EFS: variants seen among roughly 807,000 people sequenced by gnomAD.
EFS encodes embryonal Fyn-associated substrate.
Under a neutral mutation model 42.2 loss-of-function variants are expected in EFS, and 34 were observed. The observed-to-expected ratio is 0.81, with a 90% confidence interval of 0.61 to 1.07. The LOEUF (loss-of-function observed/expected upper bound fraction) is 1.07. Among genes scored for constraint, EFS ranks in the 50% least tolerant of loss-of-function variants. The pLI is 0.00. For missense variants in EFS, 717 were observed against 729.4 expected (o/e 0.98, Z 0.20); for synonymous variants, 299 against 320.7 (o/e 0.93, Z 0.72).
In EFS at chr14:23,359,521, G is replaced by A; in HGVS notation, c.957C>T (p.Ser319=). 1.3e-6 allele frequency: 2 copies of A among 1,548,618 alleles called. No homozygotes were observed. Among genetic ancestry groups the A allele is most frequent in the Middle Eastern group, 2.1e-4 (1 of 4,732 alleles). ...GGCCTGGGGCAGGAGAGGGCACTGG[G>A]GAGGGGCTGGGGGCCTCAGGGACAG... ...ALPVPEAPSP[S]PVPSPAPGRK... Residue 319 remains serine (S), a synonymous_variant, in exon 4 of 6, where the codon TCC becomes TCT. Transcript: ENST00000216733.
In EFS at chr14:23,365,049, G is replaced by A; in HGVS notation, c.-24C>T. On this transcript the variant is annotated 5_prime_UTR_variant, in exon 1 of 6. Coordinates refer to ENST00000216733, the MANE Select transcript of EFS (RefSeq NM_005864.4). This position sits in a 1 kb window ranked among gnomAD's most constrained non-coding sequence, Gnocchi z 5.3. ...ATGGCTTTGGCCTCCCGCGCAGCCT[G>A]CCTCAGGCCAGGCTCGGTTTTGCTG... 7.6e-7 allele frequency: 1 copy of A among 1,313,660 alleles called. No homozygotes were observed. Among genetic ancestry groups the A allele is most frequent in the Non-Finnish European group, 9.8e-7 (1 of 1,021,528 alleles). The allele number at this position is 1,313,660 out of a possible 1,614,324, so 81.4% of individuals were successfully genotyped here.
At chr14:23,362,316 G>C (rs902042661) in intron 1 of EFS, among the ~76,000 whole-genome samples, 1 of 152,132 alleles carries the variant, frequency 6.6e-6, no homozygotes, top group Admixed American at 6.5e-5. Flanking sequence ...GTAGCCAAAC[G>C]GACTGACTAA....
At chr14:23,362,129 C>T (rs552623264) in intron 1 of EFS, among the ~76,000 whole-genome samples, 6 of 152,368 alleles carry the variant, frequency 3.9e-5, no homozygotes, top group East Asian at 1.9e-4. Flanking sequence ...TATAACCCTT[C>T]GCAGTGCTCT....
At position 23,365,035 on chromosome 14, in the gene EFS, C is replaced by A; in HGVS notation, c.-10G>T. ...ACGTGGCAATGGCCATGGCTTTGGC[C>A]TCCCGCGCAGCCTGCCTCAGGCCAG... is the stretch of plus-strand genomic sequence containing the variant. On this transcript the variant is annotated 5_prime_UTR_variant, in exon 1 of 6. In the 5' UTR this introduces an upstream ATG that the reference lacks. Transcript: ENST00000216733. The surrounding 1 kb of genome is among the most constrained non-coding windows in gnomAD (Gnocchi z 5.3). The A allele has an allele frequency of 7.5e-7, 1 of 1,329,402 alleles. No individual in the cohort carries two copies. The highest frequency in any genetic ancestry group is 2.9e-5 in the East Asian group (1 of 34,710). The allele number at this position is 1,329,402 out of a possible 1,614,324, so 82.4% of individuals were successfully genotyped here.
chr14:23,364,073 A>G (rs1221453027), intron 1 of EFS, among the ~76,000 whole-genome samples: 1 of 152,174 alleles, frequency 6.6e-6, no homozygotes, highest in Non-Finnish European at 1.5e-5. Context: ...AAGGGAACAG[A>G]AAGCAGGTGA....
At chr14:23,363,625 G>A (rs148490786) in intron 1 of EFS, among the ~76,000 whole-genome samples, 10 of 152,186 alleles carry the variant, frequency 6.6e-5, no homozygotes, top group East Asian at 1.9e-4. Context: ...CCTGGCCATC[G>A]TTACAGATTG....
chr14:23,360,203 G>A lies in EFS; in HGVS notation c.376C>T (p.Leu126Phe). 1 of 1,614,158 alleles carries A rather than the reference G, an allele frequency of 6.2e-7. No homozygotes were observed. The highest frequency in any genetic ancestry group is 1.3e-5 in the African/African-American group (1 of 75,016). The change falls in exon 3 of 6, where the codon CTC becomes TTC. Residue 126 changes from leucine (L) to phenylalanine (F), a missense_variant. By Grantham distance (22) the Leu-to-Phe change is conservative (BLOSUM62 0). Coordinates refer to ENST00000216733, the MANE Select transcript of EFS (RefSeq NM_005864.4). ...PAGPCPPSPD[L>F]IYKIPRASGT... is the part of the protein sequence containing the mutation. Reference sequence around the variant, plus strand: ...CTAGCTCTGGGGATTTTGTAGATGAGGTCAGGAGAGGGTGGGCAAGGTCCA... The same window carrying A: ...CTAGCTCTGGGGATTTTGTAGATGAAGTCAGGAGAGGGTGGGCAAGGTCCA...
chr14:23,362,360 G>A (rs952349926), intron 1 of EFS, among the ~76,000 whole-genome samples: 4 of 152,182 alleles, frequency 2.6e-5, no homozygotes, highest in African/African-American at 9.7e-5. Context: ...AAAGATCTCA[G>A]GCAGGCTGCC....
In EFS at chr14:23,359,837, G is replaced by A. The variant is rs139711662; in HGVS notation, c.641C>T (p.Pro214Leu). The A allele has an allele frequency of 1.3e-6, 2 of 1,524,142 alleles. No homozygotes were observed. Among genetic ancestry groups the A allele is most frequent in the African/African-American group, 2.8e-5 (2 of 71,760 alleles). The allele number at this position is 1,524,142 out of a possible 1,614,324, so 94.4% of individuals were successfully genotyped here. Reference sequence around the variant, plus strand: ...GTTGGAGGGGGCAGCATAGATGGGGGGCCCCGGCTCCCGGCCTCCTTCCCA... The same window carrying A: ...GTTGGAGGGGGCAGCATAGATGGGGAGCCCCGGCTCCCGGCCTCCTTCCCA... ...LEWEGGREPG[P>L]PIYAAPSNLK... Residue 214 changes from proline to leucine, a missense_variant, in exon 4 of 6, where the codon CCC (proline) becomes CTC (leucine). Pro to Leu is a moderately conservative substitution (Grantham distance 98). Coordinates refer to ENST00000216733, the MANE Select transcript of EFS (RefSeq NM_005864.4).
At chr14:23,358,575 A>C (rs906337253) in intron 5 of EFS, among the ~76,000 whole-genome samples, 7 of 152,170 alleles carry the variant, frequency 4.6e-5, no homozygotes, top group Non-Finnish European at 8.8e-5. Context: ...AAGGAGGCTC[A>C]GAAGTCCCCA....
In EFS at chr14:23,364,639, C is replaced by G. The variant is rs565987863; in HGVS notation, c.18+369G>C. 1.9e-3 allele frequency among the ~76,000 whole-genome samples: 282 copies of G among 152,262 alleles called. 1 individual carries two copies. Among genetic ancestry groups the G allele is most frequent in the Admixed American group, 3.7e-3 (56 of 15,308 alleles). ...AGCCACTAGGTCCTTTCAGCCCCCT[C>G]CAAACCTTTTACTTGCCTCCCAACC... On this transcript the variant is annotated intron_variant, in intron 1 of 5. Coordinates refer to ENST00000216733, the MANE Select transcript of EFS (RefSeq NM_005864.4).
At chr14:23,362,336 A>AGT (rs1890180244) in intron 1 of EFS, among the ~76,000 whole-genome samples, 1 of 152,204 alleles carries the variant, frequency 6.6e-6, no homozygotes, top group African/African-American at 2.4e-5. Flanking sequence ...ATTCAGCAAA[A>AGT]AAATCTCAAA....
At chr14:23,361,448 G>GC (rs1220753128) in intron 1 of EFS, among the ~76,000 whole-genome samples, 1 of 152,228 alleles carries the variant, frequency 6.6e-6, no homozygotes. Flanking sequence ...CAGAAACAAA[G>GC]CAATTGTTTT....
At position 23,357,060 on chromosome 14, in the gene EFS, T is replaced by C; in HGVS notation, c.*166A>G. On this transcript the variant is annotated 3_prime_UTR_variant, in exon 6 of 6. Transcript: ENST00000216733. ...ATGGCTTGTACAAAAAGCTGTAGGT[T>C]AGGGGGAGAAGACACCTCTGTGAGA... The C allele has an allele frequency of 3.9e-6, 2 of 510,296 alleles. No homozygotes were observed. The highest frequency in any genetic ancestry group is 6.5e-6 in the Non-Finnish European group (2 of 306,118). 31.6% of individuals were successfully genotyped at this position (510,296 alleles called of 1,614,324 possible).
chr14:23,360,022 G>A lies in EFS; in HGVS notation c.456C>T (p.Pro152=). 6.2e-7 allele frequency: 1 copy of A among 1,609,910 alleles called. No individual in the cohort carries two copies. Among genetic ancestry groups the A allele is most frequent in the Non-Finnish European group, 8.5e-7 (1 of 1,178,284 alleles). ...CACTGGAGGGCACCCGGAGGGCGGT[G>A]GGGGGCACATCGTAGACCTGCGGAA... The part of the protein sequence containing the change: ...RDALEVYDVP[P]TALRVPSSGP... The change falls in exon 4 of 6, where the codon CCC becomes CCT. Residue 152 remains proline (P), a synonymous_variant. Coordinates refer to ENST00000216733, the MANE Select transcript of EFS (RefSeq NM_005864.4).
rs185187816 is a variant in EFS, at chr14:23,356,983, C to T, written c.*243G>A. 4 of 335,098 alleles carry T rather than the reference C, an allele frequency of 1.2e-5. No individual in the cohort carries two copies. Among genetic ancestry groups the T allele is most frequent in the African/African-American group, 6.3e-5 (3 of 47,490 alleles). 20.8% of individuals were successfully genotyped at this position (335,098 alleles called of 1,614,324 possible). On this transcript the variant is annotated 3_prime_UTR_variant, in exon 6 of 6. Coordinates refer to ENST00000216733, the MANE Select transcript of EFS (RefSeq NM_005864.4). ...TTCCTCACTGCCCCAGAGCCTAGTA[C>T]CTGCTCCTGACAAAGCAGGGAATAA... is the stretch of plus-strand genomic sequence containing the variant.
chr14:23,360,734 C>T lies in EFS; in HGVS notation c.118G>A (p.Ala40Thr), dbSNP rs200301658. Residue 40 changes from alanine to threonine, a missense_variant, in exon 2 of 6, where the codon GCT becomes ACT. Transcript: ENST00000216733. ...AGGCACCAGCCGTCCAGTCCACCAG[C>T]GCCCTCTCTCTGCAGGACCCGTAGG... ...DVLRVLQREG[A>T]GGLDGWCLCS... is the part of the protein sequence containing the mutation. The T allele has an allele frequency of 3.9e-4, 635 of 1,613,992 alleles. No homozygotes were observed. Among genetic ancestry groups the T allele is most frequent in the East Asian group, 6.5e-4 (29 of 44,868 alleles).
intron 4 of EFS, 115 bp from the exon 5 acceptor site, chr14:23,359,080 C>G: frequency 8.5e-7 from 1 of 1,178,934 alleles, no homozygotes; most frequent in Non-Finnish European, 1.2e-6. Context: ...CTCCTGTTAT[C>G]AGAGGTTGTA....
intron 3 of EFS, 40 bp from the exon 4 acceptor site, chr14:23,360,079 T>C: frequency 2.5e-6 from 4 of 1,614,070 alleles, no homozygotes; most frequent in Admixed American, 1.7e-5. Flanking sequence ...AGCTCAGCGA[T>C]GAACCCTCCC....
Sources: allele counts gnomAD v4.1 joint callset (sites outside exome capture counted in the v4.1 genomes callset), GRCh38; gene constraint gnomAD v4.1.1; non-coding constraint Gnocchi (gnomAD v3.1); transcripts MANE v1.5; gene names NCBI Gene and HGNC (gene_info 2026-07-23, HGNC 2026-07-21).